The following MAGI2 variants were observed in gnomAD, a reference collection of about 807,000 sequenced individuals.
MAGI2 encodes the protein membrane-associated guanylate kinase, WW and PDZ domain-containing protein 2.
In MAGI2, 35 loss-of-function variants were observed where a neutral mutation model predicts 133.3. The observed-to-expected ratio is 0.26, with a 90% CI of 0.20 to 0.35. The LOEUF (loss-of-function observed/expected upper bound fraction) is 0.35. Among genes scored for constraint, MAGI2 ranks in the 10% least tolerant of loss-of-function variants. MAGI2 has a pLI of 1.00. For missense variants in MAGI2, 1,636 were observed against 1,863.4 expected (o/e 0.88, Z 2.25); for synonymous variants, 729 against 710.6 (o/e 1.03, Z -0.41).
intron 10 of MAGI2, among the ~76,000 whole-genome samples, chr7:78,218,651 G>T (rs762268482): frequency 4.6e-5 from 7 of 152,186 alleles, no homozygotes; most frequent in Non-Finnish European, 7.3e-5. Flanking sequence ...AAGAGAAACA[G>T]GGTTTGAAAA....
At chr7:78,578,362 G>C (rs979036015) in intron 3 of MAGI2, among the ~76,000 whole-genome samples, 2 of 152,054 alleles carry the variant, frequency 1.3e-5, no homozygotes, top group African/African-American at 4.8e-5. Context: ...ATATTACATA[G>C]AGCAAATGGA....
intron 2 of MAGI2, among the ~76,000 whole-genome samples, chr7:78,644,825 A>C (rs1810677540): frequency 6.6e-6 from 1 of 152,272 alleles, no homozygotes; most frequent in African/African-American, 2.4e-5. Context: ...AAATAAAATC[A>C]ATAGCTGGCT....
At chr7:78,472,229 T>C (rs563292237) in intron 6 of MAGI2, among the ~76,000 whole-genome samples, 3 of 152,258 alleles carry the variant, frequency 2.0e-5, no homozygotes, top group East Asian at 1.9e-4. Context: ...TTTTCCAATC[T>C]GTATTAATGT....
At position 79,177,532 on chromosome 7, in the gene MAGI2, T is replaced by C. The variant is rs1011310090; in HGVS notation, c.302-170326A>G. On this transcript the variant is annotated intron_variant, in intron 1 of 21. Transcript: ENST00000354212. ...GTTTCTAGTTTCTTGGGAGGGGCTA[T>C]TCTTTTGCAAGAAAATAATCACTAT... is the stretch of plus-strand genomic sequence containing the variant. 2.6e-5 allele frequency among the ~76,000 whole-genome samples: 4 copies of C among 152,184 alleles called. 1 individual carries two copies. Among genetic ancestry groups the C allele is most frequent in the Admixed American group, 2.0e-4 (3 of 15,278 alleles).
chr7:79,226,173 C>T (rs1830837844), intron 1 of MAGI2, among the ~76,000 whole-genome samples: 1 of 152,132 alleles, frequency 6.6e-6, no homozygotes, highest in Non-Finnish European at 1.5e-5. Context: ...TATTTACTCT[C>T]TGGTAAAGAA....
At chr7:78,081,082 C>T (rs1375854867) in intron 20 of MAGI2, among the ~76,000 whole-genome samples, 4 of 152,160 alleles carry the variant, frequency 2.6e-5, no homozygotes, top group Non-Finnish European at 5.9e-5. Flanking sequence ...CTCCTCCTCC[C>T]CACAGGCCTG....
intron 1 of MAGI2, chr7:79,410,769 G>A (rs1181197012): frequency 1.3e-5 from 2 of 152,086 alleles, no homozygotes; most frequent in African/African-American, 4.8e-5. Flanking sequence ...AACTACTATA[G>A]TGATTGCCAA....
At position 78,595,552 on chromosome 7, in the gene MAGI2, GAATAT is replaced by G. The variant is rs573303104; in HGVS notation, c.538+31563_538+31567del. Among the ~76,000 whole-genome samples, 284 of 152,316 alleles carry G rather than the reference GAATAT, an allele frequency of 1.9e-3. 1 individual carries two copies. The highest frequency in any genetic ancestry group is 6.5e-3 in the African/African-American group (269 of 41,576). On this transcript the variant is annotated intron_variant, in intron 3 of 21. Transcript: ENST00000354212. ...TATGATCAAATGTGAGTTTGACCTA[GAATAT>G]AAGAATTCGTTTAATTTCTATGCTA...
At chr7:78,412,339 A>T (rs1394881634) in intron 6 of MAGI2, among the ~76,000 whole-genome samples, 1 of 152,050 alleles carries the variant, frequency 6.6e-6, no homozygotes, top group African/African-American at 2.4e-5. Flanking sequence ...AGACAGGCAA[A>T]CAGCCATCTC....
intron 1 of MAGI2, among the ~76,000 whole-genome samples, chr7:79,367,777 A>T (rs1842793492): frequency 6.7e-6 from 1 of 149,186 alleles, no homozygotes; most frequent in Non-Finnish European, 1.5e-5. Context: ...ACTTTTTGTA[A>T]ATGTTTTAAC....
chr7:78,504,697 C>A (rs1794932708), intron 4 of MAGI2, among the ~76,000 whole-genome samples: 1 of 152,026 alleles, frequency 6.6e-6, no homozygotes, highest in South Asian at 2.1e-4. Context: ...GAAATAAAGG[C>A]AGTATTATAT....
chr7:78,573,303 TATATATATAAATATATAAA>T (rs1801868949), intron 3 of MAGI2, among the ~76,000 whole-genome samples: 1 of 48,896 alleles, frequency 2.0e-5, no homozygotes, highest in Admixed American at 3.3e-4. Flanking sequence ...TATATATATT[TATATATATAAATATATAAA>T]TATATATATA....
chr7:78,020,544 A>G (rs1808285935), intron 21 of MAGI2, among the ~76,000 whole-genome samples: 3 of 151,518 alleles, frequency 2.0e-5, no homozygotes, highest in African/African-American at 7.3e-5. Context: ...GGCTACACAT[A>G]AAATACACTA....
chr7:78,667,359 T>C (rs1453172697), intron 2 of MAGI2, among the ~76,000 whole-genome samples: 1 of 151,442 alleles, frequency 6.6e-6, no homozygotes, highest in Non-Finnish European at 1.5e-5. Flanking sequence ...GGTTTTTTTT[T>C]TTGAGATTCT....
chr7:79,031,079 G>C lies in MAGI2; in HGVS notation c.302-23873C>G, dbSNP rs189657961. 7.9e-5 allele frequency among the ~76,000 whole-genome samples: 12 copies of C among 152,212 alleles called. No individual in the cohort carries two copies. The East Asian group carries it at 2.1e-3, about 27-fold the overall frequency. Reference sequence around the variant, plus strand: ...TAGCAATCATGTTCTTCATGAGCATGATATAAATCTACCAAGAAGCTGCTA... The same window carrying C: ...TAGCAATCATGTTCTTCATGAGCATCATATAAATCTACCAAGAAGCTGCTA... On this transcript the variant is annotated intron_variant, in intron 1 of 21. Transcript: ENST00000354212.
chr7:78,716,699 C>T (rs1395201729), intron 2 of MAGI2, among the ~76,000 whole-genome samples: 2 of 152,072 alleles, frequency 1.3e-5, no homozygotes, highest in Admixed American at 1.3e-4. Flanking sequence ...ATCAATTTCC[C>T]CATTTGGCTA....
At chr7:79,325,259 C>T (rs1839601864) in intron 1 of MAGI2, among the ~76,000 whole-genome samples, 1 of 152,032 alleles carries the variant, frequency 6.6e-6, no homozygotes, top group Non-Finnish European at 1.5e-5. Flanking sequence ...CACCATCTTA[C>T]CAGTCCCTAA....
chr7:78,725,950 A>G (rs181994395), intron 2 of MAGI2, among the ~76,000 whole-genome samples: 1 of 152,280 alleles, frequency 6.6e-6, no homozygotes, highest in East Asian at 1.9e-4. Context: ...GTATTTTGTC[A>G]TTGTCTTTAT....
intron 1 of MAGI2, among the ~76,000 whole-genome samples, chr7:79,383,597 T>A (rs1244245248): frequency 6.6e-6 from 1 of 151,554 alleles, no homozygotes. Context: ...AATGTTCACA[T>A]ACCACAAATT....
Sources: gnomAD v4.1 joint callset for allele counts (sites outside exome capture counted in the v4.1 genomes callset) on GRCh38, gnomAD v4.1.1 for gene constraint, MANE v1.5 for transcripts, NCBI Gene and HGNC (gene_info 2026-07-23, HGNC 2026-07-21) for gene names.